FBRSL1: variants seen among roughly 807,000 people sequenced by gnomAD.
FBRSL1 encodes the protein fibrosin-1-like protein.
FBRSL1 carries 51 observed loss-of-function variants against 89.6 expected under a neutral mutation model. The ratio of observed to expected loss-of-function variants is 0.57; its 90% CI spans 0.45 to 0.72. The LOEUF is 0.72. Among genes scored for constraint, FBRSL1 ranks in the 30% least tolerant of loss-of-function variants. FBRSL1 has a pLI of 0.00. For missense variants in FBRSL1, 1,618 were observed against 1,451.8 expected (o/e 1.11, Z -1.86); for synonymous variants, 779 against 681.1 (o/e 1.14, Z -2.24).
chr12:132,542,987 GGGGTGCAGGGAGGCCT>G (rs1481598757), intron 4 of FBRSL1, among the ~76,000 whole-genome samples: 33 of 152,344 alleles, frequency 2.2e-4, no homozygotes, highest in African/African-American at 7.9e-4. Flanking sequence ...GGGTCTGGAA[GGGGTGCAGGGAGGCCT>G]GGGTGATGGG....
At chr12:132,572,501 C>T in intron 10 of FBRSL1, 26 bp from the exon 11 acceptor site, 3 of 1,533,154 alleles carry the variant, frequency 2.0e-6, no homozygotes, top group Non-Finnish European at 2.7e-6. Context: ...TGGGCCCCCC[C>T]TCCATCCGCT....
chr12:132,516,158 A>G (rs912773738), intron 2 of FBRSL1, among the ~76,000 whole-genome samples: 2 of 152,080 alleles, frequency 1.3e-5, no homozygotes, highest in Non-Finnish European at 2.9e-5. Context: ...GGAAAACAAA[A>G]CTGACACAAG....
chr12:132,566,660 C>G (rs2039647411), intron 5 of FBRSL1, among the ~76,000 whole-genome samples: 1 of 144,948 alleles, frequency 6.9e-6, no homozygotes, highest in African/African-American at 2.6e-5. Context: ...CCCACATAGC[C>G]TGGGACACTC....
At chr12:132,521,275 G>T (rs902348158) in intron 2 of FBRSL1, among the ~76,000 whole-genome samples, 2 of 152,220 alleles carry the variant, frequency 1.3e-5, no homozygotes, top group African/African-American at 4.8e-5. Flanking sequence ...GGGGTGCGCT[G>T]TGTCCACACT....
intron 2 of FBRSL1, among the ~76,000 whole-genome samples, chr12:132,522,457 C>A (rs1424551853): frequency 6.6e-6 from 1 of 152,180 alleles, no homozygotes; most frequent in Non-Finnish European, 1.5e-5. Flanking sequence ...CCTCAGGGCC[C>A]CAGTGCTCCT....
intron 5 of FBRSL1, among the ~76,000 whole-genome samples, chr12:132,560,945 C>T (rs978345767): frequency 1.3e-5 from 2 of 152,166 alleles, no homozygotes; most frequent in African/African-American, 4.8e-5. Flanking sequence ...CTGGCCACTG[C>T]CAGAAGCCCT....
chr12:132,495,372 C>T (rs2031839370), intron 1 of FBRSL1, among the ~76,000 whole-genome samples: 1 of 152,182 alleles, frequency 6.6e-6, no homozygotes, highest in South Asian at 2.1e-4. Flanking sequence ...CCTCCGGGGA[C>T]CGCTGAGGCC....
intron 5 of FBRSL1, among the ~76,000 whole-genome samples, chr12:132,557,489 G>T (rs1020144361): frequency 6.7e-6 from 1 of 148,720 alleles, no homozygotes; most frequent in Non-Finnish European, 1.5e-5. Flanking sequence ...GCTGTGGGGC[G>T]GGGCTCGGGG....
chr12:132,561,026 G>T (rs1051379198), intron 5 of FBRSL1, among the ~76,000 whole-genome samples: 1 of 152,230 alleles, frequency 6.6e-6, no homozygotes, highest in African/African-American at 2.4e-5. Context: ...GCTGTGTGTG[G>T]TCTAGGAAGG....
chr12:132,512,362 C>T (rs1438296014), intron 2 of FBRSL1, among the ~76,000 whole-genome samples: 1 of 152,252 alleles, frequency 6.6e-6, no homozygotes, highest in East Asian at 1.9e-4. Flanking sequence ...CTCTGCACAG[C>T]CTGTCAGGTG....
Position 132,577,043 on chromosome 12 carries a change from C to G in FBRSL1, c.1834+112C>G, listed in dbSNP as rs1458371505. On this transcript the variant is annotated intron_variant, in intron 15 of 18. Coordinates refer to ENST00000680143, the MANE Select transcript of FBRSL1 (RefSeq NM_001367871.1). Reference sequence around the variant, plus strand: ...GCGCTCTCTGGACCGCAGCACCAGCCTTTGCTTCTTGATGCTCACCACTTA... The same window carrying G: ...GCGCTCTCTGGACCGCAGCACCAGCGTTTGCTTCTTGATGCTCACCACTTA... 18 of 1,389,342 alleles carry G rather than the reference C, an allele frequency of 1.3e-5. No individual in the cohort carries two copies. The South Asian group carries it at 1.6e-4, about 13-fold the overall frequency. 86.1% of individuals were successfully genotyped at this position (1,389,342 alleles called of 1,614,324 possible).
chr12:132,565,455 G>T (rs1439591563), intron 5 of FBRSL1: 3 of 152,082 alleles, frequency 2.0e-5, no homozygotes, highest in Non-Finnish European at 4.4e-5. Context: ...GAATGTGTGT[G>T]TCCCTGTACG....
Position 132,570,073 on chromosome 12 carries a change from G to T in FBRSL1, c.839G>T (p.Gly280Val), listed in dbSNP as rs2039902033. The change falls in exon 7 of 19, where the codon GGC becomes GTC. Residue 280 changes from glycine (G) to valine (V), a missense_variant. Transcript: ENST00000680143. ...GCGCCCTGCCCGGGGCCCCCGCCCG[G>T]CTCCCGCGCCAATCCCTTGGTGAAG... ...HAAPCPGPPP[G>V]SRANPLVKKE... The T allele has an allele frequency of 6.7e-7, 1 of 1,489,966 alleles. No individual in the cohort carries two copies. 92.3% of individuals were successfully genotyped at this position (1,489,966 alleles called of 1,614,324 possible). A position where few individuals can be genotyped will look rare whatever the true frequency, so the allele number is the denominator to read the frequency against.
At position 132,539,648 on chromosome 12, in the gene FBRSL1, T is replaced by C. The variant is rs181322267; in HGVS notation, c.616-8355T>C. On this transcript the variant is annotated intron_variant, in intron 4 of 18. Coordinates refer to ENST00000680143, the MANE Select transcript of FBRSL1 (RefSeq NM_001367871.1). Reference sequence around the variant, plus strand: ...CAGTCCTGCCCTCCAGCCCCATGCCTACCTAGTCCTGCCGTCCAGCCCGAT... The same window carrying C: ...CAGTCCTGCCCTCCAGCCCCATGCCCACCTAGTCCTGCCGTCCAGCCCGAT... Among the ~76,000 whole-genome samples the C allele has an allele frequency of 9.6e-3, 401 of 41,626 alleles. 15 individuals are homozygous for C. The highest frequency in any genetic ancestry group is 0.072 in the Admixed American group (248 of 3,422). 27.3% of individuals were successfully genotyped at this position (41,626 alleles called of 152,430 possible).
In FBRSL1 at chr12:132,584,852, A is replaced by ACACACACACACACAC. The variant is rs55834265; in HGVS notation, c.*1074_*1075insCACACACACACACAC. 1 of 152,110 alleles carries ACACACACACACACAC rather than the reference A, an allele frequency of 6.6e-6. No homozygotes were observed. Among genetic ancestry groups the ACACACACACACACAC allele is most frequent in the African/African-American group, 2.4e-5 (1 of 41,322 alleles). The allele number at this position is 152,110 out of a possible 1,614,324, so 9.4% of individuals were successfully genotyped here. ...CACACACACACACACACACACACAC[A>ACACACACACACACAC]AAATCACTGCTGTGTGTTTTCTTCC... On this transcript the variant is annotated 3_prime_UTR_variant, in exon 19 of 19. Coordinates refer to ENST00000680143, the MANE Select transcript of FBRSL1 (RefSeq NM_001367871.1).
intron 2 of FBRSL1, among the ~76,000 whole-genome samples, chr12:132,522,860 G>T (rs923083941): frequency 1.3e-5 from 2 of 152,008 alleles, no homozygotes; most frequent in Non-Finnish European, 2.9e-5. Context: ...CTTTCCCCCC[G>T]CACCTGCCGC....
At chr12:132,560,386 C>T (rs1417026387) in intron 5 of FBRSL1, among the ~76,000 whole-genome samples, 1 of 151,928 alleles carries the variant, frequency 6.6e-6, no homozygotes, top group Non-Finnish European at 1.5e-5. Context: ...ACCGCGTCCT[C>T]CCGGGGGCGC....
At position 132,583,028 on chromosome 12, in the gene FBRSL1, C is replaced by T; in HGVS notation, c.2259C>T (p.Gly753=). 1 of 1,457,182 alleles carries T rather than the reference C, an allele frequency of 6.9e-7. No individual in the cohort carries two copies. 90.3% of individuals were successfully genotyped at this position (1,457,182 alleles called of 1,614,324 possible). A position where few individuals can be genotyped will look rare whatever the true frequency, so the allele number is the denominator to read the frequency against. The change falls in exon 19 of 19, where the codon GGC becomes GGT. Residue 753 remains glycine (G), a synonymous_variant. Coordinates refer to ENST00000680143, the MANE Select transcript of FBRSL1 (RefSeq NM_001367871.1). ...GGGCCTCGCCCGCCACCCCCGCTGGCCACCCCGTCAGCGGCCTCCTGCTCC... is the reference window on the plus strand; with the variant it reads ...GGGCCTCGCCCGCCACCCCCGCTGGTCACCCCGTCAGCGGCCTCCTGCTCC... ...LSRASPATPA[G]HPVSGLLLRA...
rs1196210500 is a variant in FBRSL1 at position 132,583,842 on chromosome 12, A to G, written c.*64A>G. The G allele has an allele frequency of 7.0e-6, 7 of 995,224 alleles. No homozygotes were observed. The highest frequency in any genetic ancestry group is 1.0e-4 in the Admixed American group (2 of 20,084). 61.6% of individuals were successfully genotyped at this position (995,224 alleles called of 1,614,324 possible). Reference sequence around the variant, plus strand: ...GCTGTCCGTCTCTCCATCAGTTCCTAGAACTCAAGCACAGCTCCCGCCGAT... The same window carrying G: ...GCTGTCCGTCTCTCCATCAGTTCCTGGAACTCAAGCACAGCTCCCGCCGAT... On this transcript the variant is annotated 3_prime_UTR_variant, in exon 19 of 19. Coordinates refer to ENST00000680143, the MANE Select transcript of FBRSL1 (RefSeq NM_001367871.1).
Sources: allele counts gnomAD v4.1 joint callset (sites outside exome capture counted in the v4.1 genomes callset), GRCh38; gene constraint gnomAD v4.1.1; transcripts MANE v1.5; gene names NCBI Gene and HGNC (gene_info 2026-07-23, HGNC 2026-07-21).